The following SCEL variants were observed in gnomAD, a reference collection of about 807,000 sequenced individuals.
SCEL encodes sciellin.
Under a neutral mutation model 117.6 loss-of-function variants are expected in SCEL, and 113 were observed. That is an observed-to-expected ratio of 0.96 (90% CI 0.83 to 1.12). The LOEUF (loss-of-function observed/expected upper bound fraction) is 1.12, where lower values mean the gene tolerates loss of function less well. Among genes scored for constraint, SCEL ranks in the 50% most tolerant of loss-of-function variants. SCEL has a pLI of 0.00. For missense variants in SCEL, 785 were observed against 810.8 expected, an observed-to-expected ratio of 0.97 and a Z score of 0.39; for synonymous variants, 270 against 256.2, an observed-to-expected ratio of 1.05 and a Z score of -0.51.
At chr13:77,554,216 A>G (rs762248431) in intron 1 of SCEL, among the ~76,000 whole-genome samples, 3 of 152,182 alleles carry the variant, frequency 2.0e-5, no homozygotes, top group Non-Finnish European at 4.4e-5. Flanking sequence ...ACTGGATAGA[A>G]GTGATTCTAT....
intron 3 of SCEL, 49 bp downstream of exon 3, chr13:77,556,762 A>C: frequency 7.9e-7 from 1 of 1,270,276 alleles, no homozygotes; most frequent in Non-Finnish European, 1.2e-6. Flanking sequence ...AGAGAGAGGC[A>C]TTATCTGTTT....
rs2090726042 is a variant in SCEL, at chr13:77,645,058, AAAT to A, written c.*786_*788del. 4.0e-5 allele frequency: 6 copies of A among 150,308 alleles called. No homozygotes were observed. The Admixed American group carries it at 4.0e-4, about 10-fold the overall frequency. 9.3% of individuals were successfully genotyped at this position (150,308 alleles called of 1,614,324 possible). A position where few individuals can be genotyped will look rare whatever the true frequency, so the allele number is the denominator to read the frequency against. ...GAAACAGATTGATGGGTAACAGGTA[AAAT>A]ATGACATGTATAGCTTACATGTTAT... On this transcript the variant is annotated 3_prime_UTR_variant, in exon 33 of 33. Coordinates refer to ENST00000349847, the MANE Select transcript of SCEL (RefSeq NM_144777.3).
chr13:77,582,180 G>C (rs978255670), intron 9 of SCEL, among the ~76,000 whole-genome samples: 13 of 152,182 alleles, frequency 8.5e-5, no homozygotes, highest in Admixed American at 7.9e-4. Context: ...CTTTTCATAT[G>C]TTTGCATGTG....
At chr13:77,582,824 GTTTTC>G (rs1246269294) in intron 9 of SCEL, among the ~76,000 whole-genome samples, 1 of 151,860 alleles carries the variant, frequency 6.6e-6, no homozygotes, top group Non-Finnish European at 1.5e-5. Context: ...AATTTCTTCT[GTTTTC>G]TTCTAAAAGT....
rs1311227073 is a variant in SCEL, at chr13:77,628,309, G to A, written c.1691+300G>A. On this transcript the variant is annotated intron_variant, in intron 28 of 32. Coordinates refer to ENST00000349847, the MANE Select transcript of SCEL (RefSeq NM_144777.3). ...GCTGTTCTATTGCTTAGTGTAAATG[G>A]CATCATGGAAATTCAAAGCTCTTTG... 2.0e-5 allele frequency among the ~76,000 whole-genome samples: 3 copies of A among 151,670 alleles called. No individual in the cohort carries two copies. In the South Asian group the frequency reaches 6.3e-4, roughly 32 times the overall value.
At position 77,602,728 on chromosome 13, in the gene SCEL, G is replaced by A; in HGVS notation, c.1037+15G>A. 2 of 1,605,990 alleles carry A rather than the reference G, an allele frequency of 1.2e-6. No homozygotes were observed. The highest frequency in any genetic ancestry group is 1.7e-6 in the Non-Finnish European group (2 of 1,173,224). ...ACGAGCAGAAGGTGAGAACTGAACAGATGTCTCTAAATATTGGTTATTTTC... is the reference window on the plus strand; with the variant it reads ...ACGAGCAGAAGGTGAGAACTGAACAAATGTCTCTAAATATTGGTTATTTTC... On this transcript the variant is annotated intron_variant, in intron 17 of 32. Transcript: ENST00000349847.
At chr13:77,622,866 AAAAC>A (rs143701169) in intron 27 of SCEL, among the ~76,000 whole-genome samples, 3,827 of 152,318 alleles carry the variant, frequency 0.025, 81 homozygotes, top group Non-Finnish European at 0.04. Flanking sequence ...CAGTCTCTAA[AAAAC>A]AAACAAAAAA....
At chr13:77,581,803 C>T (rs2086278496) in intron 9 of SCEL, among the ~76,000 whole-genome samples, 3 of 152,310 alleles carry the variant, frequency 2.0e-5, no homozygotes, top group Admixed American at 1.3e-4. Flanking sequence ...AAGGGACTGT[C>T]TCTGGTCATT....
At chr13:77,625,994 C>T (rs1215539937) in intron 27 of SCEL, among the ~76,000 whole-genome samples, 1 of 152,138 alleles carries the variant, frequency 6.6e-6, no homozygotes, top group Non-Finnish European at 1.5e-5. Context: ...TTATTCAATT[C>T]ACCCACAACT....
intron 8 of SCEL, among the ~76,000 whole-genome samples, chr13:77,571,415 G>T (rs957121277): frequency 6.7e-6 from 1 of 149,598 alleles, no homozygotes; most frequent in Non-Finnish European, 1.5e-5. Context: ...GAAGCTGGGC[G>T]CAGTGGCTCA....
At chr13:77,609,548 A>T (rs1177738303) in intron 21 of SCEL, among the ~76,000 whole-genome samples, 1 of 152,162 alleles carries the variant, frequency 6.6e-6, no homozygotes, top group Non-Finnish European at 1.5e-5. Context: ...TTGCACGAGG[A>T]GCTCTCCCAA....
intron 1 of SCEL, among the ~76,000 whole-genome samples, chr13:77,547,668 C>T (rs2084069024): frequency 6.6e-6 from 1 of 152,188 alleles, no homozygotes; most frequent in Admixed American, 6.5e-5. Context: ...ACAGGTATCT[C>T]TTCATCATTT....
rs574740420 is a variant in SCEL, at chr13:77,562,548, A to G, written c.222-1283A>G. ...CCATAAAGCCTCCTCTGGTTTGTAT[A>G]CCTAGAAATCAGCTTTCTCAGCTTA... On this transcript the variant is annotated intron_variant, in intron 4 of 32. Coordinates refer to ENST00000349847, the MANE Select transcript of SCEL (RefSeq NM_144777.3). Among the ~76,000 whole-genome samples the G allele has an allele frequency of 1.1e-4, 17 of 152,264 alleles. 1 individual carries two copies. In the South Asian group the frequency reaches 3.5e-3, roughly 32 times the overall value.
chr13:77,629,680 A>AAATTTATT (rs1450581393), intron 28 of SCEL, among the ~76,000 whole-genome samples: 16 of 152,338 alleles, frequency 1.1e-4, no homozygotes, highest in African/African-American at 3.6e-4. Context: ...AAAGGCATAC[A>AAATTTATT]AATTTATTTA....
intron 22 of SCEL, among the ~76,000 whole-genome samples, chr13:77,611,223 A>T (rs2088623152): frequency 6.6e-6 from 1 of 152,202 alleles, no homozygotes; most frequent in African/African-American, 2.4e-5. Flanking sequence ...AGCAGCCATA[A>T]GTACCTTGTG....
At chr13:77,619,209 T>TA (rs1267283444) in intron 27 of SCEL, among the ~76,000 whole-genome samples, 2 of 152,204 alleles carry the variant, frequency 1.3e-5, no homozygotes, top group South Asian at 2.1e-4. Flanking sequence ...GCCTAACTCT[T>TA]ACATCTCCTA....
At chr13:77,626,133 G>A (rs1283302863) in intron 27 of SCEL, among the ~76,000 whole-genome samples, 1 of 152,140 alleles carries the variant, frequency 6.6e-6, no homozygotes, top group Non-Finnish European at 1.5e-5. Context: ...TCACAATCAT[G>A]GTGGAAGGTG....
intron 9 of SCEL, among the ~76,000 whole-genome samples, chr13:77,583,121 T>C (rs1313569756): frequency 2.0e-5 from 3 of 152,206 alleles, no homozygotes; most frequent in Admixed American, 6.5e-5. Flanking sequence ...GCACAGTACA[T>C]GAACGTCAAG....
chr13:77,552,840 G>C (rs1446630944), intron 1 of SCEL, among the ~76,000 whole-genome samples: 2 of 152,042 alleles, frequency 1.3e-5, no homozygotes, highest in Non-Finnish European at 2.9e-5. Flanking sequence ...GTAATGTTTT[G>C]GGTGTAATGA....
Sources: gnomAD v4.1 joint callset for allele counts (sites outside exome capture counted in the v4.1 genomes callset) on GRCh38, gnomAD v4.1.1 for gene constraint, MANE v1.5 for transcripts, NCBI Gene and HGNC (gene_info 2026-07-23, HGNC 2026-07-21) for gene names.